STAU2: variants seen among roughly 807,000 people sequenced by gnomAD.
The protein encoded by STAU2 is staufen double-stranded RNA binding protein 2, also known as double-stranded RNA-binding protein Staufen homolog 2.
Under a neutral mutation model 65.9 loss-of-function variants are expected in STAU2, and 20 were observed. That is an observed-to-expected ratio of 0.30 (90% confidence interval 0.21 to 0.44). The LOEUF is 0.44. STAU2 is among the 20% of genes least tolerant of loss of function. The probability of loss-of-function intolerance (pLI) is 1.00; values close to 1 mark genes in which losing one functional copy is unlikely to be tolerated. For missense variants in STAU2, 558 were observed against 683.9 expected (o/e 0.82, Z 2.05); for synonymous variants, 232 against 233.9 (o/e 0.99, Z 0.07).
chr8:73,435,307 T>C lies in STAU2; in HGVS notation c.1531-12605A>G, dbSNP rs1346027902. Among the ~76,000 whole-genome samples the C allele has an allele frequency of 2.0e-5, 3 of 151,952 alleles. No individual in the cohort carries two copies. In the East Asian group the frequency reaches 5.8e-4, roughly 29 times the overall value. On this transcript the variant is annotated intron_variant, in intron 13 of 14. Transcript: ENST00000524300. The stretch of plus-strand genomic sequence containing the variant: ...GTCTCCCAGGTAGCTGGTAAACCCT[T>C]GGCTGGTGGGGCCCCTTCCCTCTTT...
intron 13 of STAU2, among the ~76,000 whole-genome samples, chr8:73,546,503 T>C (rs1359444905): frequency 1.3e-5 from 2 of 152,232 alleles, no homozygotes; most frequent in African/African-American, 4.8e-5. Flanking sequence ...ATAATATATG[T>C]AATGCCTACT....
chr8:73,691,650 G>A (rs532625369), intron 4 of STAU2, among the ~76,000 whole-genome samples: 2 of 152,098 alleles, frequency 1.3e-5, no homozygotes, highest in African/African-American at 2.4e-5. Flanking sequence ...AATGATATGT[G>A]GACAATATCA....
intron 12 of STAU2, among the ~76,000 whole-genome samples, chr8:73,563,129 T>C (rs182294109): frequency 3.3e-5 from 5 of 152,264 alleles, no homozygotes; most frequent in African/African-American, 1.2e-4. Context: ...CTCCCACTTT[T>C]ATCTATGTAT....
chr8:73,741,892 C>T (rs1379678408), intron 1 of STAU2, among the ~76,000 whole-genome samples: 1 of 152,134 alleles, frequency 6.6e-6, no homozygotes, highest in African/African-American at 2.4e-5. Context: ...TAAAATTAAC[C>T]ATACGATTTA....
At position 73,733,318 on chromosome 8, in the gene STAU2, C is replaced by T. The variant is rs1219871239; in HGVS notation, c.-18+4966G>A. On this transcript the variant is annotated intron_variant, in intron 3 of 14. Coordinates refer to ENST00000524300, the MANE Select transcript of STAU2 (RefSeq NM_001164380.2). The stretch of plus-strand genomic sequence containing the variant: ...TTTCCAATTCCTTAGGACACACTGA[C>T]CTGTCAAGCCTACCTCACCAGCTAA... 2.6e-5 allele frequency among the ~76,000 whole-genome samples: 4 copies of T among 152,210 alleles called. No individual in the cohort carries two copies. In the East Asian group the frequency reaches 7.7e-4, roughly 29 times the overall value.
chr8:73,427,270 T>C (rs906123350), intron 13 of STAU2, among the ~76,000 whole-genome samples: 5 of 152,038 alleles, frequency 3.3e-5, no homozygotes, highest in East Asian at 1.9e-4. Flanking sequence ...CTTGGAGAGG[T>C]TGTGCCGGCA....
chr8:73,457,421 C>T (rs1819127366), intron 13 of STAU2, among the ~76,000 whole-genome samples: 1 of 152,244 alleles, frequency 6.6e-6, no homozygotes, highest in Admixed American at 6.5e-5. Context: ...TACACTCTTA[C>T]ATGCATAGTT....
chr8:73,667,817 G>C (rs781545916), intron 6 of STAU2, among the ~76,000 whole-genome samples: 1 of 152,302 alleles, frequency 6.6e-6, no homozygotes, highest in East Asian at 1.9e-4. Flanking sequence ...TACTATCTCT[G>C]TTTTGCAAAT....
At chr8:73,721,089 G>A (rs1217464848) in intron 3 of STAU2, among the ~76,000 whole-genome samples, 8 of 146,024 alleles carry the variant, frequency 5.5e-5, no homozygotes, top group Non-Finnish European at 9.0e-5. Context: ...AGACCAACCT[G>A]GGCAACACAG....
intron 13 of STAU2, among the ~76,000 whole-genome samples, chr8:73,499,416 T>C (rs1821613687): frequency 6.6e-6 from 1 of 151,620 alleles, no homozygotes; most frequent in Admixed American, 6.6e-5. Context: ...CAACAGCATT[T>C]AAGGGGCCAG....
At chr8:73,506,060 C>G (rs914703025) in intron 13 of STAU2, among the ~76,000 whole-genome samples, 1 of 152,178 alleles carries the variant, frequency 6.6e-6, no homozygotes, top group Non-Finnish European at 1.5e-5. Flanking sequence ...TGGTGCCACC[C>G]TTGCTGTATA....
chr8:73,469,240 G>A (rs1819838152), intron 13 of STAU2, among the ~76,000 whole-genome samples: 1 of 152,060 alleles, frequency 6.6e-6, no homozygotes, highest in Non-Finnish European at 1.5e-5. Context: ...TCACTCATAG[G>A]TGGGAATTGA....
intron 6 of STAU2, among the ~76,000 whole-genome samples, chr8:73,633,657 TA>T (rs1814266913): frequency 6.6e-6 from 1 of 151,996 alleles, no homozygotes; most frequent in East Asian, 1.9e-4. Flanking sequence ...TGAGGAGCTT[TA>T]AAAAATACTG....
intron 13 of STAU2, among the ~76,000 whole-genome samples, chr8:73,465,735 C>G (rs554776245): frequency 6.6e-6 from 1 of 152,312 alleles, no homozygotes; most frequent in East Asian, 1.9e-4. Context: ...TTGATTAGAC[C>G]ATACAGGACT....
chr8:73,654,663 A>AAAAAAAAAAAAAAAAAAAAAAT (rs1280392351), intron 6 of STAU2, among the ~76,000 whole-genome samples: 1 of 135,560 alleles, frequency 7.4e-6, no homozygotes, highest in Non-Finnish European at 1.6e-5. Context: ...AAAAAAAAAG[A>AAAAAAAAAAAAAAAAAAAAAAT]ACTCTTTTAA....
chr8:73,618,445 G>A lies in STAU2; in HGVS notation c.411-994C>T, dbSNP rs78429339. On this transcript the variant is annotated intron_variant, in intron 6 of 14. Transcript: ENST00000524300. ...ATACCAGCAGCAAGGGCAGCGAGGCGGGAGTGTGCCACACATGTTCAAGTA... is the reference window on the plus strand; with the variant it reads ...ATACCAGCAGCAAGGGCAGCGAGGCAGGAGTGTGCCACACATGTTCAAGTA... Among the ~76,000 whole-genome samples the A allele has an allele frequency of 1.3e-3, 204 of 152,274 alleles. No homozygotes were observed. The East Asian group carries it at 0.014, about 10-fold the overall frequency.
intron 4 of STAU2, among the ~76,000 whole-genome samples, chr8:73,702,289 A>C (rs1820165813): frequency 6.6e-6 from 1 of 152,148 alleles, no homozygotes; most frequent in African/African-American, 2.4e-5. Context: ...TTGGATACCC[A>C]ATTTCCATTA....
chr8:73,431,934 G>C (rs1817330188), intron 13 of STAU2, among the ~76,000 whole-genome samples: 1 of 152,202 alleles, frequency 6.6e-6, no homozygotes. Flanking sequence ...GAGAGATAAT[G>C]GCAGTCTTCA....
chr8:73,656,030 G>A lies in STAU2; in HGVS notation c.410+17077C>T, dbSNP rs565166438. On this transcript the variant is annotated intron_variant, in intron 6 of 14. Transcript: ENST00000524300. Reference sequence around the variant, plus strand: ...AATCTCCTGACCTTGTGATCCGCCCGCCTCAGTCTCCCGAAGTGCTGGGAT... The same window carrying A: ...AATCTCCTGACCTTGTGATCCGCCCACCTCAGTCTCCCGAAGTGCTGGGAT... Among the ~76,000 whole-genome samples the A allele has an allele frequency of 1.2e-4, 19 of 152,166 alleles. No individual in the cohort carries two copies. In the East Asian group the frequency reaches 2.7e-3, roughly 22 times the overall value.
Sources: allele counts gnomAD v4.1 joint callset (sites outside exome capture counted in the v4.1 genomes callset), GRCh38; gene constraint gnomAD v4.1.1; transcripts MANE v1.5; gene names NCBI Gene and HGNC (gene_info 2026-07-23, HGNC 2026-07-21).